Variants in HTT observed in about 807,000 individuals in gnomAD.
HTT encodes the protein huntingtin.
Under a neutral mutation model 362.3 loss-of-function variants are expected in HTT, and 104 were observed. The observed-to-expected ratio is 0.29, with a 90% CI of 0.24 to 0.34. HTT has a LOEUF of 0.34. HTT is among the 10% of genes least tolerant of loss of function. HTT has a pLI of 1.00. For missense variants in HTT, 3,301 were observed against 3,928.6 expected, an observed-to-expected ratio of 0.84 and a Z score of 4.27; for synonymous variants, 1,577 against 1,548.7, an observed-to-expected ratio of 1.02 and a Z score of -0.43.
intron 2 of HTT, among the ~76,000 whole-genome samples, chr4:3,096,594 C>A (rs7659144): frequency 1.3e-5 from 2 of 151,988 alleles, no homozygotes; most frequent in Non-Finnish European, 2.9e-5. Context: ...TGTGGAAAAA[C>A]CCATTTCCAC....
chr4:3,170,193 G>A (rs1016186346), intron 29 of HTT, among the ~76,000 whole-genome samples: 1 of 152,078 alleles, frequency 6.6e-6, no homozygotes, highest in African/African-American at 2.4e-5. Context: ...ATCTTCTTGA[G>A]CTTTGTTCTG....
In HTT at chr4:3,228,984, T is replaced by G; in HGVS notation, c.8084T>G (p.Ile2695Ser). The G allele has an allele frequency of 1.9e-6, 3 of 1,613,684 alleles. No homozygotes were observed. The highest frequency in any genetic ancestry group is 1.7e-6 in the Non-Finnish European group (2 of 1,179,738). ...AGCTCAGCCAGGAGGACCCCGGCCA[T>G]CCTGATCAGTGAGGTGGTCAGATCC... The part of the protein sequence containing the change: ...PSSSARRTPA[I>S]LISEVVRSLL... The change falls in exon 59 of 67, where the codon ATC (isoleucine) becomes AGC (serine). Residue 2695 changes from isoleucine (I) to serine (S), a missense_variant. This residue lies in a region of HTT where 753 missense variants were observed against 1,021.3 expected (regional missense o/e 0.74). Coordinates refer to ENST00000355072, the MANE Select transcript of HTT (RefSeq NM_001388492.1). This position sits in a 1 kb window ranked among gnomAD's most constrained non-coding sequence, Gnocchi z 4.3.
chr4:3,236,626 C>T (rs1042683852), intron 64 of HTT, among the ~76,000 whole-genome samples: 2 of 152,092 alleles, frequency 1.3e-5, no homozygotes, highest in South Asian at 2.1e-4. Context: ...GGCTGCCTAT[C>T]GTGAGAGGGG....
chr4:3,229,217 C>T (rs962287237), intron 59 of HTT, among the ~76,000 whole-genome samples: 2 of 149,758 alleles, frequency 1.3e-5, no homozygotes, highest in African/African-American at 2.5e-5. Flanking sequence ...ATACACACAA[C>T]ACACACAGCA....
chr4:3,173,966 C>T (rs1001800744), intron 31 of HTT, among the ~76,000 whole-genome samples: 9 of 152,256 alleles, frequency 5.9e-5, no homozygotes, highest in African/African-American at 1.2e-4. Context: ...CCACCGCGCC[C>T]GGCCTCTTTT....
intron 3 of HTT, 38 bp downstream of exon 3, chr4:3,099,432 CATT>C (rs746422679): frequency 6.0e-5 from 96 of 1,611,228 alleles, no homozygotes; most frequent in Admixed American, 2.5e-4. Flanking sequence ...TCAGAGCTAT[CATT>C]GTTGTAGGCT....
chr4:3,105,412 A>G lies in HTT; in HGVS notation c.584A>G (p.His195Arg). The change falls in exon 5 of 67, where the codon CAC becomes CGC. Residue 195 changes from histidine (H) to arginine (R), a missense_variant. By Grantham distance (29) the His-to-Arg change is conservative (BLOSUM62 0). Transcript: ENST00000355072. ...AALWRFAELAHLVRPQKCRPY... is the reference protein window; with the variant it reads ...AALWRFAELARLVRPQKCRPY... ...CTGTGGAGGTTTGCTGAGCTGGCTC[A>G]CCTGGTTCGGCCTCAGAAATGCAGG... is the stretch of plus-strand genomic sequence containing the variant. 1 of 1,613,896 alleles carries G rather than the reference A, an allele frequency of 6.2e-7. No homozygotes were observed.
chr4:3,224,984 C>G (rs1720841365), intron 56 of HTT, among the ~76,000 whole-genome samples: 1 of 152,082 alleles, frequency 6.6e-6, no homozygotes, highest in South Asian at 2.1e-4. Context: ...GCTCCTGGAG[C>G]TCCAAGGGGA....
At chr4:3,150,264 G>T (rs527945330) in intron 26 of HTT, among the ~76,000 whole-genome samples, 2 of 152,332 alleles carry the variant, frequency 1.3e-5, no homozygotes, top group East Asian at 3.9e-4. Flanking sequence ...CCCTTGAAAT[G>T]CAGCTAGTGT....
chr4:3,131,899 C>T (rs964290751), intron 16 of HTT, 124 bp downstream of exon 16: 23 of 853,240 alleles, frequency 2.7e-5, no homozygotes, highest in East Asian at 7.7e-5. Context: ...ATTTGACCTG[C>T]GTTGTAGCTC....
intron 37 of HTT, 92 bp downstream of exon 37, chr4:3,182,562 A>C (rs1578567589): frequency 1.3e-6 from 1 of 767,944 alleles, no homozygotes; most frequent in Non-Finnish European, 2.3e-6. Context: ...CTCTTCCTTC[A>C]GTCCTAATCT....
intron 6 of HTT, among the ~76,000 whole-genome samples, chr4:3,109,582 AT>A (rs1351412779): frequency 6.6e-6 from 1 of 151,432 alleles, no homozygotes; most frequent in Non-Finnish European, 1.5e-5. Flanking sequence ...AATTTTAGAC[AT>A]TTTTTTACTT....
At chr4:3,136,455 C>A in intron 21 of HTT, 129 bp downstream of exon 21, 1 of 462,940 alleles carries the variant, frequency 2.2e-6, no homozygotes, top group South Asian at 5.6e-5. Flanking sequence ...TTCAGCCATT[C>A]TATTCTTAAA....
chr4:3,087,014 G>T lies in HTT; in HGVS notation c.339G>T (p.Gln113His). 6.3e-7 allele frequency: 1 copy of T among 1,582,984 alleles called. No homozygotes were observed. The highest frequency in any genetic ancestry group is 1.7e-4 in the Middle Eastern group (1 of 5,992). ...CAATATGTGAAAACATAGTGGCACA[G>T]TCTGTCAGGTAATTGCACTTTGAAC... ...CLTICENIVA[Q>H]SVRNSPEFQK... The change falls in exon 2 of 67, where the codon CAG (glutamine) becomes CAT (histidine). Residue 113 changes from glutamine (Q) to histidine (H), a missense_variant. Physicochemically the swap from Gln to His is conservative, Grantham distance 24 (BLOSUM62 0). Coordinates refer to ENST00000355072, the MANE Select transcript of HTT (RefSeq NM_001388492.1).
rs541930548 is a variant in HTT, at chr4:3,214,602, A to G, written c.6952+467A>G. 2.0e-5 allele frequency among the ~76,000 whole-genome samples: 3 copies of G among 152,376 alleles called. No homozygotes were observed. The East Asian group carries it at 5.8e-4, about 29-fold the overall frequency. ...AGGAACAGTATCCTCAACAAGGGTC[A>G]TTAGCCACAATTTTTAAAAAATTGG... On this transcript the variant is annotated intron_variant, in intron 50 of 66. Coordinates refer to ENST00000355072, the MANE Select transcript of HTT (RefSeq NM_001388492.1).
chr4:3,189,749 G>C (rs576194840), intron 40 of HTT, among the ~76,000 whole-genome samples: 1 of 152,346 alleles, frequency 6.6e-6, no homozygotes, highest in African/African-American at 2.4e-5. Context: ...AGAGGACCAG[G>C]TGTCATGGCT....
Position 3,217,900 on chromosome 4 carries a change from T to G in HTT, c.7190T>G (p.Ile2397Ser), listed in dbSNP as rs770551177. 6.2e-7 allele frequency: 1 copy of G among 1,613,980 alleles called. No individual in the cohort carries two copies. The highest frequency in any genetic ancestry group is 8.5e-7 in the Non-Finnish European group (1 of 1,179,956). Residue 2397 changes from isoleucine to serine, a missense_variant, in exon 52 of 67, where the codon ATC becomes AGC. This residue lies in a region of HTT where 753 missense variants were observed against 1,021.3 expected (regional missense o/e 0.74). Transcript: ENST00000355072. ...FLTPLLRNII[I>S]SLARLPLVNS... ...ACGCCATTGCTAAGGAACATCATCA[T>G]CAGCCTGGCCCGCCTGCCCCTTGTC...
At chr4:3,131,473 C>T in intron 15 of HTT, 76 bp downstream of exon 15, 3 of 1,462,400 alleles carry the variant, frequency 2.1e-6, no homozygotes, top group East Asian at 2.3e-5. Context: ...CCTGTTTTTG[C>T]CTTGCGTGCA....
chr4:3,190,874 G>A (rs1340232664), intron 40 of HTT, among the ~76,000 whole-genome samples: 1 of 152,148 alleles, frequency 6.6e-6, no homozygotes, highest in Non-Finnish European at 1.5e-5. Flanking sequence ...CTAGTTCTAG[G>A]GGATAGGCAC....
Sources: gnomAD v4.1 joint callset for allele counts (sites outside exome capture counted in the v4.1 genomes callset) on GRCh38, gnomAD v4.1.1 for gene constraint, gnomAD v4.1.1 regional missense constraint, Gnocchi (gnomAD v3.1) non-coding constraint, MANE v1.5 for transcripts, NCBI Gene and HGNC (gene_info 2026-07-23, HGNC 2026-07-21) for gene names.